Variants in EZH2 observed in about 807,000 individuals in gnomAD.
EZH2 encodes enhancer of zeste 2 polycomb repressive complex 2 subunit.
A neutral mutation model predicts 98.4 loss-of-function variants in EZH2; 18 were observed. That is an observed-to-expected ratio of 0.18 (90% CI 0.13 to 0.27). The LOEUF (loss-of-function observed/expected upper bound fraction) is 0.27. EZH2 is among the 10% of genes least tolerant of loss of function. The pLI, the probability that EZH2 is intolerant of heterozygous loss-of-function variation, is 1.00. For synonymous variants in EZH2, 338 were observed against 312.3 expected (o/e 1.08, Z -0.87); for missense variants, 470 against 935.1 (o/e 0.50, Z 6.49).
chr7:148,809,047 A>G, intron 19 of EZH2, 24 bp downstream of exon 19: 1 of 1,596,718 alleles, frequency 6.3e-7, no homozygotes, highest in Non-Finnish European at 8.6e-7. Flanking sequence ...CTTAGAGATC[A>G]TGCTAGAAAT....
chr7:148,818,257 C>T, intron 9 of EZH2, 140 bp from the exon 10 acceptor site: 1 of 876,706 alleles, frequency 1.1e-6, no homozygotes, highest in Non-Finnish European at 1.7e-6. Flanking sequence ...ATTTGCATGT[C>T]TAATATACTT....
chr7:148,881,962 ACACG>A (rs1408292573), intron 1 of EZH2, among the ~76,000 whole-genome samples: 4 of 64,776 alleles, frequency 6.2e-5, no homozygotes, highest in African/African-American at 3.4e-4. Flanking sequence ...ACACACACAC[ACACG>A]CGCGCGCACA....
At chr7:148,807,797 G>T in intron 19 of EZH2, 91 bp from the exon 20 acceptor site, 1 of 614,586 alleles carries the variant, frequency 1.6e-6, no homozygotes. Flanking sequence ...AAGATAGTGG[G>T]TGCATTAAAA....
intron 15 of EZH2, among the ~76,000 whole-genome samples, chr7:148,812,152 GT>G (rs2129469208): frequency 6.6e-6 from 1 of 152,140 alleles, no homozygotes; most frequent in African/African-American, 2.4e-5. Context: ...TCTATTAATA[GT>G]TATTCCATTT....
At chr7:148,881,979 C>T (rs201211386) in intron 1 of EZH2, among the ~76,000 whole-genome samples, 12 of 91,760 alleles carry the variant, frequency 1.3e-4, no homozygotes, top group African/African-American at 5.7e-4. Flanking sequence ...CGCGCACACA[C>T]ACACACACAC....
chr7:148,833,282 C>A (rs1469631354), intron 3 of EZH2, among the ~76,000 whole-genome samples: 2 of 151,726 alleles, frequency 1.3e-5, no homozygotes, highest in African/African-American at 2.4e-5. Flanking sequence ...CACGGTGAAA[C>A]CCCGTCTCTA....
chr7:148,815,066 C>T (rs1158364827), intron 13 of EZH2, 27 bp from the exon 14 acceptor site: 2 of 1,609,142 alleles, frequency 1.2e-6, no homozygotes, highest in East Asian at 4.5e-5. Context: ...TCATGCAGGC[C>T]AATGAATCCA....
intron 8 of EZH2, among the ~76,000 whole-genome samples, chr7:148,824,349 G>C (rs1338729525): frequency 1.2e-4 from 18 of 150,720 alleles, no homozygotes; most frequent in Non-Finnish European, 2.5e-4. Context: ...CAACAAAAAA[G>C]AAACAGTCAT....
intron 1 of EZH2, among the ~76,000 whole-genome samples, chr7:148,877,340 T>G (rs978213150): frequency 2.0e-5 from 3 of 152,210 alleles, no homozygotes; most frequent in South Asian, 2.1e-4. Flanking sequence ...AGATAAAACG[T>G]GTGGTACCAT....
At chr7:148,837,655 T>C (rs965655667) in intron 3 of EZH2, among the ~76,000 whole-genome samples, 7 of 152,168 alleles carry the variant, frequency 4.6e-5, no homozygotes, top group African/African-American at 1.7e-4. Context: ...AGTGAATTCA[T>C]AATCAGGTTG....
chr7:148,884,014 G>T (rs988358609), intron 1 of EZH2, 150 bp downstream of exon 1: 1 of 151,252 alleles, frequency 6.6e-6, no homozygotes, highest in Non-Finnish European at 1.5e-5. Flanking sequence ...TCCACCCCCC[G>T]CACGCCTACA....
chr7:148,850,775 C>T (rs918892324), intron 1 of EZH2, among the ~76,000 whole-genome samples: 2 of 152,150 alleles, frequency 1.3e-5, no homozygotes, highest in Non-Finnish European at 2.9e-5. Context: ...AACCCCACAG[C>T]GGATGCCTAA....
rs2129469032 is a variant in EZH2, at chr7:148,811,663, C to G, written c.1909G>C (p.Val637Leu). The G allele has an allele frequency of 6.2e-7, 1 of 1,613,734 alleles. No homozygotes were observed. The highest frequency in any genetic ancestry group is 8.5e-7 in the Non-Finnish European group (1 of 1,180,018). The change falls in exon 16 of 20, where the codon GTG (valine) becomes CTG (leucine). Residue 637 changes from valine (V) to leucine (L), a missense_variant. Physicochemically the swap from Val to Leu is conservative, Grantham distance 32. Coordinates refer to ENST00000320356, the MANE Select transcript of EZH2 (RefSeq NM_004456.5). ...AGWGIFIKDP[V>L]QKNEFISEYC... ...TCTGAGATGAATTCATTTTTCTGCA[C>G]AGGATCTTTGATAAAAATCCCCCAG...
At chr7:148,839,106 A>T (rs529835004) in intron 3 of EZH2, among the ~76,000 whole-genome samples, 2 of 149,574 alleles carry the variant, frequency 1.3e-5, no homozygotes, top group African/African-American at 5.0e-5. Context: ...GGAAGGAAGG[A>T]AAGTGAGTGA....
chr7:148,852,764 C>G (rs537575511), intron 1 of EZH2, among the ~76,000 whole-genome samples: 2 of 152,150 alleles, frequency 1.3e-5, no homozygotes, highest in Non-Finnish European at 2.9e-5. Flanking sequence ...TCCCAAATTT[C>G]GGAACTATTC....
chr7:148,828,825 T>C lies in EZH2; in HGVS notation c.540A>G (p.Gln180=), dbSNP rs770380532. ...CATCATCATCGTCATCATCATTATA[T>C]TGACCAAGGGCATTCACCAACTCCA... ...IFVELVNALG[Q]YNDDDDDDDG... The change falls in exon 6 of 20, where the codon CAA becomes CAG. Residue 180 remains glutamine (Q), a synonymous_variant. Transcript: ENST00000320356. 11 of 1,613,804 alleles carry C rather than the reference T, an allele frequency of 6.8e-6. No individual in the cohort carries two copies. The highest frequency in any genetic ancestry group is 3.3e-5 in the South Asian group (3 of 91,030).
intron 1 of EZH2, chr7:148,883,250 C>T (rs1374697798): frequency 6.6e-6 from 1 of 152,226 alleles, no homozygotes. Flanking sequence ...CTCCCGCTTT[C>T]AAAAAGTAAC....
intron 1 of EZH2, among the ~76,000 whole-genome samples, chr7:148,867,363 A>C (rs533083133): frequency 2.0e-4 from 30 of 152,150 alleles, no homozygotes; most frequent in Non-Finnish European, 4.4e-4. Context: ...AAAATTACCC[A>C]GTCTCAGATA....
In EZH2 at chr7:148,815,558, CAA is replaced by C. The variant is rs760636328; in HGVS notation, c.1506-14_1506-13del. The C allele has an allele frequency of 6.2e-7, 1 of 1,613,986 alleles. No homozygotes were observed. Among genetic ancestry groups the C allele is most frequent in the Non-Finnish European group, 8.5e-7 (1 of 1,179,844 alleles). ...GTGCAGCCCACAACCTGCAAAAACA[CAA>C]AGAAAATTAAACCAAATTTCTGCGG... On this transcript the variant is annotated splice_polypyrimidine_tract_variant and intron_variant, in intron 12 of 19. Coordinates refer to ENST00000320356, the MANE Select transcript of EZH2 (RefSeq NM_004456.5).
Sources: allele counts gnomAD v4.1 joint callset (sites outside exome capture counted in the v4.1 genomes callset), GRCh38; gene constraint gnomAD v4.1.1; transcripts MANE v1.5; gene names NCBI Gene and HGNC (gene_info 2026-07-23, HGNC 2026-07-21).